CAST: variants seen among roughly 807,000 people sequenced by gnomAD.
CAST encodes the protein MIR583 host.
CAST carries 76 observed loss-of-function variants against 119.6 expected under a neutral mutation model. That is an observed-to-expected ratio of 0.64 (90% confidence interval 0.53 to 0.77). CAST has a LOEUF of 0.77. Among genes scored for constraint, CAST ranks in the 30% least tolerant of loss-of-function variants. The pLI, the probability that CAST is intolerant of heterozygous loss-of-function variation, is 0.00. For missense variants in CAST, 953 were observed against 946.5 expected (o/e 1.01, Z -0.09); for synonymous variants, 319 against 331.6 (o/e 0.96, Z 0.41).
chr5:96,218,013 A>G, the CAST span, among the ~76,000 whole-genome samples: 1 of 152,152 alleles, frequency 6.6e-6, no homozygotes, highest in Non-Finnish European at 1.5e-5. Flanking sequence ...TTTGTCTCCT[A>G]CCTCAGTTAA....
chr5:96,374,047 G>T, the CAST span, among the ~76,000 whole-genome samples: 1 of 152,144 alleles, frequency 6.6e-6, no homozygotes, highest in African/African-American at 2.4e-5. Context: ...TGTGGAGTTG[G>T]TATAAAACAT....
At chr5:96,657,011 A>G (rs143511175) in intron 1 of CAST, among the ~76,000 whole-genome samples, 220 of 66,210 alleles carry the variant, frequency 3.3e-3, no homozygotes, top group African/African-American at 0.013. Flanking sequence ...TCTTTATACA[A>G]TAATCTGAGC....
the CAST span, among the ~76,000 whole-genome samples, chr5:96,304,151 G>A: frequency 7.2e-5 from 11 of 152,262 alleles, no homozygotes; most frequent in African/African-American, 1.9e-4. Flanking sequence ...TCTAACTGGC[G>A]AGAGATGGTA....
chr5:96,404,851 ATG>A, the CAST span, among the ~76,000 whole-genome samples: 3 of 152,192 alleles, frequency 2.0e-5, no homozygotes, highest in Non-Finnish European at 4.4e-5. Context: ...TGTCATAAGA[ATG>A]TTGTAAGCGT....
intron 11 of CAST, among the ~76,000 whole-genome samples, chr5:96,738,464 T>C (rs769940076): frequency 1.4e-4 from 22 of 152,248 alleles, no homozygotes; most frequent in Non-Finnish European, 2.8e-4. Context: ...TTAGCAAACA[T>C]TTGTTGTTGT....
chr5:96,315,157 G>T, the CAST span, among the ~76,000 whole-genome samples: 1 of 152,106 alleles, frequency 6.6e-6, no homozygotes, highest in Non-Finnish European at 1.5e-5. Context: ...TGTGATACGG[G>T]TATAAGTAAT....
upstream of CAST, chr5:96,525,127 G>A (rs1418014275): frequency 6.6e-6 from 1 of 152,224 alleles, no homozygotes; most frequent in Admixed American, 6.5e-5. Context: ...GATCACAGGT[G>A]TGTTACATTG....
intron 2 of CAST, chr5:96,675,869 G>A (rs1371553516): frequency 3.0e-6 from 1 of 332,040 alleles, no homozygotes; most frequent in African/African-American, 2.1e-5. Flanking sequence ...AGGAACTGGT[G>A]AATCCAAATT....
At chr5:96,653,279 T>C (rs1033110951) in intron 1 of CAST, among the ~76,000 whole-genome samples, 67 of 152,248 alleles carry the variant, frequency 4.4e-4, no homozygotes, top group Non-Finnish European at 7.6e-4. Flanking sequence ...CAGACATGTG[T>C]TTTTAATCAC....
At chr5:96,447,301 G>A in the CAST span, among the ~76,000 whole-genome samples, 6 of 152,218 alleles carry the variant, frequency 3.9e-5, no homozygotes, top group African/African-American at 1.4e-4. Context: ...GTGGACTTGA[G>A]GAAGCTTAAA....
the CAST span, among the ~76,000 whole-genome samples, chr5:96,455,910 AT>A: frequency 6.6e-6 from 1 of 152,104 alleles, no homozygotes; most frequent in South Asian, 2.1e-4. Flanking sequence ...TGCTGCATCT[AT>A]TTAGAGATGA....
intron 3 of CAST, among the ~76,000 whole-genome samples, chr5:96,698,978 G>A (rs1753600325): frequency 6.6e-6 from 1 of 152,170 alleles, no homozygotes; most frequent in African/African-American, 2.4e-5. Context: ...CTTACAAAAT[G>A]AGGAATTGGG....
intron 1 of CAST, among the ~76,000 whole-genome samples, chr5:96,607,294 C>CA (rs1188712737): frequency 2.0e-5 from 3 of 151,688 alleles, no homozygotes; most frequent in East Asian, 3.9e-4. Flanking sequence ...TCTCAAAAAA[C>CA]AAAAAAACAG....
At position 96,767,903 on chromosome 5, in the gene CAST, T is replaced by C. The variant is rs780610203; in HGVS notation, c.2176-4T>C. On this transcript the variant is annotated splice_region_variant and splice_polypyrimidine_tract_variant and intron_variant, in intron 28 of 31. Transcript: ENST00000675179. ...ACTGATGGTTATTTCTACTCATATC[T>C]CAGAAACCTGCAGATGACCAAGACC... 1.2e-6 allele frequency: 2 copies of C among 1,606,440 alleles called. No homozygotes were observed. The highest frequency in any genetic ancestry group is 2.2e-5 in the East Asian group (1 of 44,832).
chr5:96,756,727 ATATATG>A (rs1405618390), intron 22 of CAST, among the ~76,000 whole-genome samples: 1 of 152,216 alleles, frequency 6.6e-6, no homozygotes, highest in Non-Finnish European at 1.5e-5. Flanking sequence ...AAATATTCAT[ATATATG>A]TATATCTTTG....
chr5:96,500,226 AAAAAGTGT>A, the CAST span, among the ~76,000 whole-genome samples: 1 of 152,240 alleles, frequency 6.6e-6, no homozygotes, highest in African/African-American at 2.4e-5. Flanking sequence ...CATGCTGTTG[AAAAAGTGT>A]GCCTATAGAC....
chr5:96,526,493 C>G (rs261969), upstream of CAST, among the ~76,000 whole-genome samples: 1 of 152,092 alleles, frequency 6.6e-6, no homozygotes, highest in Non-Finnish European at 1.5e-5. Flanking sequence ...TCTCCTCTAC[C>G]AAAGGGGAAA....
At chr5:96,119,049 G>A in the CAST span, among the ~76,000 whole-genome samples, 2 of 152,044 alleles carry the variant, frequency 1.3e-5, no homozygotes, top group Admixed American at 6.6e-5. Context: ...GCATCATTTT[G>A]TGCTTGCAGT....
At chr5:96,625,337 G>T (rs1747701769) in intron 1 of CAST, among the ~76,000 whole-genome samples, 1 of 151,474 alleles carries the variant, frequency 6.6e-6, no homozygotes. Flanking sequence ...AGTAGAATAT[G>T]AATTTCCCCT....
Sources: allele counts gnomAD v4.1 joint callset (sites outside exome capture counted in the v4.1 genomes callset), GRCh38; gene constraint gnomAD v4.1.1; transcripts MANE v1.5; gene names NCBI Gene and HGNC (gene_info 2026-07-23, HGNC 2026-07-21).